Variants in PCDH19 observed in about 807,000 individuals in gnomAD.
The protein encoded by PCDH19 is protocadherin-19.
PCDH19 carries 6 observed loss-of-function variants against 46.2 expected under a neutral mutation model. That is an observed-to-expected ratio of 0.13 (90% CI 0.07 to 0.26). The LOEUF is 0.26. PCDH19 is among the 10% of genes least tolerant of loss of function. The probability of loss-of-function intolerance (pLI) is 1.00; values close to 1 mark genes in which losing one functional copy is unlikely to be tolerated. For missense variants in PCDH19, 740 were observed against 972.3 expected (o/e 0.76, Z 3.18); for synonymous variants, 481 against 415.7 (o/e 1.16, Z -1.91).
At chrX:100,333,189 GAA>G (rs565661674) in intron 5 of PCDH19, among the ~76,000 whole-genome samples, 2,049 of 70,354 alleles carry the variant, frequency 0.029, 45 homozygotes, top group African/African-American at 0.038. Flanking sequence ...GAGAGAGAAA[GAA>G]AGAAAGAAAG....
rs1329841061 is a variant in PCDH19 at position 100,402,591 on chromosome X, T to C, written c.2549A>G (p.His850Arg). The C allele has an allele frequency of 8.3e-7, 1 of 1,211,347 alleles. No homozygotes were observed. Residue 850 changes from histidine to arginine, a missense_variant, in exon 3 of 6, where the codon CAT (histidine) becomes CGT (arginine). Around this residue, in one of 5 missense-constraint regions of PCDH19, gnomAD observed 416 missense variants for 476.8 expected, o/e 0.87. Transcript: ENST00000373034. Reference protein sequence around the residue: ...TRNTSANHIYHHSFNSQGPQQ... With the variant: ...TRNTSANHIYRHSFNSQGPQQ... The stretch of plus-strand genomic sequence containing the variant: ...GGGCCCCTGGCTGTTGAAAGAGTGA[T>C]GGTAGATGTGGTTAGCACTGGTGTT...
intron 3 of PCDH19, among the ~76,000 whole-genome samples, chrX:100,381,876 G>A (rs975010955): frequency 1.8e-5 from 2 of 111,535 alleles, no homozygotes; most frequent in Non-Finnish European, 3.8e-5. Context: ...CTCTGGGTCT[G>A]TGGTTTATAG....
Position 100,293,113 on chromosome X carries a change from A to C in PCDH19, c.*3164T>G. 8.9e-6 allele frequency: 1 copy of C among 112,059 alleles called. No individual in the cohort carries two copies. The highest frequency in any genetic ancestry group is 1.9e-5 in the Non-Finnish European group (1 of 53,238). 9.2% of individuals were successfully genotyped at this position (112,059 alleles called of 1,213,427 possible). ...TCCCTTCATAAAATCAGTCAGTCAT[A>C]TGCTGAAGTAACACTATCAAGATGA... On this transcript the variant is annotated 3_prime_UTR_variant, in exon 6 of 6. Coordinates refer to ENST00000373034, the MANE Select transcript of PCDH19 (RefSeq NM_001184880.2).
At chrX:100,307,773 C>T (rs1038231953) in intron 5 of PCDH19, among the ~76,000 whole-genome samples, 8 of 110,829 alleles carry the variant, frequency 7.2e-5, no homozygotes, top group African/African-American at 2.6e-4. Context: ...TGAGAATCAA[C>T]AAGAACTCAA....
At chrX:100,343,521 A>G (rs1010530259) in intron 4 of PCDH19, among the ~76,000 whole-genome samples, 3 of 112,101 alleles carry the variant, frequency 2.7e-5, no homozygotes, top group African/African-American at 9.7e-5. Context: ...ACAATGCACT[A>G]TGCATGCAAT....
rs1389369756 is a variant in PCDH19 at position 100,408,354 on chromosome X, C to T, written c.244G>A (p.Val82Ile). The T allele has an allele frequency of 5.8e-6, 7 of 1,208,343 alleles. No homozygotes were observed. The highest frequency in any genetic ancestry group is 6.7e-6 in the Non-Finnish European group (6 of 894,894). ...TCACGGTCAATCTTCTGCTTGGTGA[C>T]CAGCAGGCCAGAGCTGGGATTGATG... ...VDINPSSGLL[V>I]TKQKIDRDLL... is the part of the protein sequence containing the mutation. Residue 82 changes from valine to isoleucine, a missense_variant, in exon 1 of 6, where the codon GTC (valine) becomes ATC (isoleucine). Coordinates refer to ENST00000373034, the MANE Select transcript of PCDH19 (RefSeq NM_001184880.2).
chrX:100,363,687 ATTT>A (rs1926970645), intron 3 of PCDH19, among the ~76,000 whole-genome samples: 3 of 56,112 alleles, frequency 5.3e-5, no homozygotes, highest in African/African-American at 1.8e-4. Flanking sequence ...TATAAAACAT[ATTT>A]TATATATAAT....
intron 1 of PCDH19, among the ~76,000 whole-genome samples, chrX:100,405,562 T>TCCCCCC (rs376813599): frequency 1.4e-4 from 8 of 58,204 alleles, no homozygotes; most frequent in Admixed American, 2.1e-4. Flanking sequence ...TCTCTCTCCC[T>TCCCCCC]CCCCCCCCCA....
intron 3 of PCDH19, among the ~76,000 whole-genome samples, chrX:100,377,505 AT>A (rs1232079508): frequency 8.9e-6 from 1 of 112,201 alleles, no homozygotes; most frequent in Non-Finnish European, 1.9e-5. Flanking sequence ...TTCAGCACTC[AT>A]TTTTGTAAAC....
intron 5 of PCDH19, among the ~76,000 whole-genome samples, chrX:100,331,992 G>A (rs965470539): frequency 9.1e-6 from 1 of 110,428 alleles, no homozygotes; most frequent in Admixed American, 9.7e-5. Context: ...AATTAAAAAG[G>A]CTTTCTTGTC....
At chrX:100,329,835 C>G (rs996797925) in intron 5 of PCDH19, among the ~76,000 whole-genome samples, 1 of 111,590 alleles carries the variant, frequency 9.0e-6, no homozygotes, top group Non-Finnish European at 1.9e-5. Context: ...TCTCTTGAAC[C>G]CAGGAGGCGG....
intron 3 of PCDH19, among the ~76,000 whole-genome samples, chrX:100,361,293 AT>A (rs1296164961): frequency 2.7e-5 from 3 of 112,305 alleles, no homozygotes; most frequent in Non-Finnish European, 5.6e-5. Context: ...CACAATAGTC[AT>A]TTTGCACCAG....
At chrX:100,375,723 G>C (rs1450689620) in intron 3 of PCDH19, among the ~76,000 whole-genome samples, 1 of 111,699 alleles carries the variant, frequency 9.0e-6, no homozygotes, top group East Asian at 2.8e-4. Context: ...TATGATTAAA[G>C]ACAAGCCTCG....
At chrX:100,334,583 C>T (rs1353191345) in intron 5 of PCDH19, among the ~76,000 whole-genome samples, 1 of 110,860 alleles carries the variant, frequency 9.0e-6, no homozygotes, top group Admixed American at 9.6e-5. Flanking sequence ...GAGCCAGACC[C>T]TGGCCCCCAC....
At chrX:100,310,694 AT>A (rs1457243285) in intron 5 of PCDH19, among the ~76,000 whole-genome samples, 1 of 109,920 alleles carries the variant, frequency 9.1e-6, no homozygotes, top group East Asian at 2.9e-4. Flanking sequence ...TCAAACCTAT[AT>A]TAGTGGGATA....
chrX:100,378,615 C>T (rs780130099), intron 3 of PCDH19, among the ~76,000 whole-genome samples: 1 of 112,361 alleles, frequency 8.9e-6, no homozygotes, highest in South Asian at 3.7e-4. Flanking sequence ...CTTGTATTAA[C>T]GTGCTAGCCA....
intron 3 of PCDH19, among the ~76,000 whole-genome samples, chrX:100,375,058 G>A (rs1927331613): frequency 8.9e-6 from 1 of 112,637 alleles, no homozygotes; most frequent in Non-Finnish European, 1.9e-5. Context: ...AAGGTTTGGG[G>A]ACAGCATTAG....
At chrX:100,402,466 C>T (rs1928211509) in intron 3 of PCDH19, 58 bp downstream of exon 3, 4 of 999,163 alleles carry the variant, frequency 4.0e-6, no homozygotes, top group East Asian at 6.2e-5. Context: ...TGGTATCCAG[C>T]GAGCAGCTAA....
chrX:100,299,644 T>C (rs1453519538), intron 5 of PCDH19, among the ~76,000 whole-genome samples: 5 of 111,404 alleles, frequency 4.5e-5, no homozygotes, highest in Admixed American at 1.9e-4. Context: ...TCTGTATAGA[T>C]AGTACTTGCC....
Sources: allele counts gnomAD v4.1 joint callset (sites outside exome capture counted in the v4.1 genomes callset), GRCh38; gene constraint gnomAD v4.1.1; regional missense constraint gnomAD v4.1.1; transcripts MANE v1.5; gene names NCBI Gene and HGNC (gene_info 2026-07-23, HGNC 2026-07-21).